The following THSD4 variants were observed in gnomAD, a reference collection of about 807,000 sequenced individuals.
The protein encoded by THSD4 is thrombospondin type 1 domain containing 4, also known as thrombospondin type-1 domain-containing protein 4.
Under a neutral mutation model 119.0 loss-of-function variants are expected in THSD4, and 69 were observed. The ratio of observed to expected loss-of-function variants is 0.58; its 90% confidence interval spans 0.48 to 0.71. The LOEUF is 0.71. Among genes scored for constraint, THSD4 ranks in the 30% least tolerant of loss-of-function variants. THSD4 has a pLI of 0.00. For missense variants in THSD4, 1,393 were observed against 1,391.1 expected (o/e 1.00, Z -0.02); for synonymous variants, 524 against 540.4 (o/e 0.97, Z 0.42).
chr15:71,340,603 C>CTTTT (rs780712768), intron 6 of THSD4, among the ~76,000 whole-genome samples: 50 of 115,216 alleles, frequency 4.3e-4, no homozygotes, highest in African/African-American at 1.5e-3. Flanking sequence ...CATCCAGAGA[C>CTTTT]TTTTTTTTTT....
At chr15:71,225,747 G>T (rs545871434) in intron 4 of THSD4, among the ~76,000 whole-genome samples, 8 of 151,938 alleles carry the variant, frequency 5.3e-5, no homozygotes, top group Non-Finnish European at 1.5e-5. Context: ...CACCATGTTG[G>T]CTAGGCTGGT....
At chr15:71,495,804 G>C (rs1026914244) in intron 7 of THSD4, among the ~76,000 whole-genome samples, 1 of 152,158 alleles carries the variant, frequency 6.6e-6, no homozygotes, top group African/African-American at 2.4e-5. Context: ...ACTCTCCCAA[G>C]CACCCTGTCC....
chr15:71,771,214 T>C lies in THSD4; in HGVS notation c.2914+6T>C, dbSNP rs1310938604. 1 of 1,612,768 alleles carries C rather than the reference T, an allele frequency of 6.2e-7. No individual in the cohort carries two copies. On this transcript the variant is annotated splice_donor_region_variant and intron_variant, in intron 17 of 17. Coordinates refer to ENST00000261862, the MANE Select transcript of THSD4 (RefSeq NM_024817.3). ...GGACTGTGTCCCTGAAGTTGGTAAG[T>C]AGAGATTTCAATCATGGGGGAAAGG...
intron 7 of THSD4, among the ~76,000 whole-genome samples, chr15:71,652,350 G>A (rs767160861): frequency 7.3e-5 from 11 of 150,514 alleles, no homozygotes; most frequent in Non-Finnish European, 1.3e-4. Flanking sequence ...TTCACCATAC[G>A]GCTCTACACA....
At chr15:71,763,444 C>G (rs915337338) in intron 15 of THSD4, among the ~76,000 whole-genome samples, 8 of 152,186 alleles carry the variant, frequency 5.3e-5, no homozygotes, top group African/African-American at 1.7e-4. Context: ...GGCACAGTGG[C>G]TCACGCCTGT....
chr15:71,668,574 G>A (rs557701085), intron 8 of THSD4, among the ~76,000 whole-genome samples: 1 of 152,184 alleles, frequency 6.6e-6, no homozygotes, highest in Non-Finnish European at 1.5e-5. Flanking sequence ...CAGAATGCTG[G>A]CATTGCCTCC....
At position 71,283,621 on chromosome 15, in the gene THSD4, C is replaced by T. The variant is rs1037077303; in HGVS notation, c.1015+26906C>T. 5.9e-5 allele frequency among the ~76,000 whole-genome samples: 9 copies of T among 152,200 alleles called. No individual in the cohort carries two copies. In the East Asian group the frequency reaches 7.7e-4, roughly 13 times the overall value. ...ACAAGAAGCATCTCACACAGTCCTC[C>T]GAGCACTTCTGTAAGACAAAGGACA... On this transcript the variant is annotated intron_variant, in intron 6 of 17. Transcript: ENST00000261862.
At chr15:71,346,637 T>C (rs144130673) in intron 6 of THSD4, among the ~76,000 whole-genome samples, 1 of 152,156 alleles carries the variant, frequency 6.6e-6, no homozygotes, top group Admixed American at 6.5e-5. Flanking sequence ...TCGTCCATTT[T>C]TTTTGGAGAA....
intron 7 of THSD4, among the ~76,000 whole-genome samples, chr15:71,502,995 C>T (rs1190505885): frequency 1.3e-5 from 2 of 152,172 alleles, no homozygotes; most frequent in African/African-American, 4.8e-5. Context: ...GTTGAATGAA[C>T]TTAAATACAG....
intron 17 of THSD4, among the ~76,000 whole-genome samples, chr15:71,771,743 T>C (rs1051647397): frequency 1.3e-5 from 2 of 152,084 alleles, no homozygotes; most frequent in African/African-American, 4.8e-5. Flanking sequence ...CACACAATGG[T>C]CAGAGTCCTG....
chr15:71,439,557 T>G (rs1325796468), intron 7 of THSD4, among the ~76,000 whole-genome samples: 2 of 152,164 alleles, frequency 1.3e-5, no homozygotes, highest in African/African-American at 4.8e-5. Flanking sequence ...TAAAGACACA[T>G]GCACATCTAT....
At chr15:71,181,161 T>G (rs933149253) in intron 3 of THSD4, among the ~76,000 whole-genome samples, 2 of 152,184 alleles carry the variant, frequency 1.3e-5, no homozygotes, top group Admixed American at 6.5e-5. Context: ...ACACTGTGTC[T>G]CTTCCAGCTG....
At chr15:71,500,608 A>G (rs2048095940) in intron 7 of THSD4, among the ~76,000 whole-genome samples, 1 of 152,198 alleles carries the variant, frequency 6.6e-6, no homozygotes, top group African/African-American at 2.4e-5. Flanking sequence ...TTCTAGTTTC[A>G]GATAATATGT....
At chr15:71,154,349 A>G (rs1480197051) in intron 2 of THSD4, among the ~76,000 whole-genome samples, 1 of 152,232 alleles carries the variant, frequency 6.6e-6, no homozygotes, top group South Asian at 2.1e-4. Context: ...ATGTGACATC[A>G]AAAGGCTGGA....
chr15:71,559,781 C>G (rs2049084045), intron 7 of THSD4, among the ~76,000 whole-genome samples: 1 of 152,112 alleles, frequency 6.6e-6, no homozygotes, highest in African/African-American at 2.4e-5. Flanking sequence ...ACTCACTCTC[C>G]TTTTGTGTAG....
intron 4 of THSD4, among the ~76,000 whole-genome samples, chr15:71,222,296 A>AT (rs2043981256): frequency 6.6e-6 from 1 of 152,010 alleles, no homozygotes; most frequent in Admixed American, 6.6e-5. Context: ...ACTTCAGGTG[A>AT]TTTTTTTCAC....
intron 6 of THSD4, among the ~76,000 whole-genome samples, chr15:71,397,128 C>T (rs919861993): frequency 2.6e-5 from 4 of 152,212 alleles, no homozygotes; most frequent in African/African-American, 9.6e-5. Context: ...CACCAGGTAT[C>T]AGCTTGTGCT....
At chr15:71,491,421 G>A (rs1373439694) in intron 7 of THSD4, among the ~76,000 whole-genome samples, 7 of 152,208 alleles carry the variant, frequency 4.6e-5, no homozygotes, top group Admixed American at 4.6e-4. Context: ...GGCATTAATG[G>A]TTTTATAAGA....
chr15:71,447,118 G>GTTTT lies in THSD4; in HGVS notation c.1152+35312_1152+35315dup, dbSNP rs1555414736. Among the ~76,000 whole-genome samples, 525 of 76,000 alleles carry GTTTT rather than the reference G, an allele frequency of 6.9e-3. 19 individuals carry two copies. The highest frequency in any genetic ancestry group is 0.012 in the African/African-American group (262 of 21,464). 49.9% of individuals were successfully genotyped at this position (76,000 alleles called of 152,430 possible). On this transcript the variant is annotated intron_variant, in intron 7 of 17. Coordinates refer to ENST00000261862, the MANE Select transcript of THSD4 (RefSeq NM_024817.3). ...TTGCCCTCTTCCCTCCATTTTTTTT[G>GTTTT]TTTTTTTTTTTTTTTTTTTTGGAGA...
Sources: gnomAD v4.1 joint callset for allele counts (sites outside exome capture counted in the v4.1 genomes callset) on GRCh38, gnomAD v4.1.1 for gene constraint, MANE v1.5 for transcripts, NCBI Gene and HGNC (gene_info 2026-07-23, HGNC 2026-07-21) for gene names.